The following SCHIP1 variants were observed in gnomAD, a reference collection of about 807,000 sequenced individuals.
The protein encoded by SCHIP1 is schwannomin-interacting protein 1.
A neutral mutation model predicts 29.7 loss-of-function variants in SCHIP1; 8 were observed. The observed-to-expected ratio is 0.27, with a 90% CI of 0.16 to 0.49. The LOEUF is 0.49. Ranked by LOEUF, SCHIP1 falls within the 20% of genes least tolerant of loss-of-function variation. SCHIP1 has a pLI of 0.99. For synonymous variants in SCHIP1, 76 were observed against 94.9 expected, an observed-to-expected ratio of 0.80 and a Z score of 1.16; for missense variants, 193 against 294.6, an observed-to-expected ratio of 0.66 and a Z score of 2.52.
At chr3:159,544,488 A>G in the SCHIP1 span, among the ~76,000 whole-genome samples, 1 of 152,094 alleles carries the variant, frequency 6.6e-6, no homozygotes, top group Non-Finnish European at 1.5e-5. Context: ...TCAGCATACT[A>G]TCAGCATATG....
At chr3:159,395,367 G>A in the SCHIP1 span, among the ~76,000 whole-genome samples, 13 of 152,172 alleles carry the variant, frequency 8.5e-5, no homozygotes, top group African/African-American at 2.9e-4. Context: ...GCTAGCTTTT[G>A]AATGTGTTTC....
At chr3:159,277,824 C>T in the SCHIP1 span, among the ~76,000 whole-genome samples, 28 of 151,192 alleles carry the variant, frequency 1.9e-4, no homozygotes, top group Non-Finnish European at 3.2e-4. Flanking sequence ...CTGAAGCAGG[C>T]GAATCACTTG....
chr3:159,353,325 A>T, the SCHIP1 span, among the ~76,000 whole-genome samples: 1,028 of 151,242 alleles, frequency 6.8e-3, 10 homozygotes, highest in South Asian at 0.033. Context: ...TAATAAAATT[A>T]AAAAAAAAGA....
chr3:159,514,272 T>C, the SCHIP1 span, among the ~76,000 whole-genome samples: 3 of 152,232 alleles, frequency 2.0e-5, no homozygotes, highest in Non-Finnish European at 4.4e-5. Context: ...CAACTGATGA[T>C]ACACTAAAAT....
chr3:159,512,208 CA>C, the SCHIP1 span, among the ~76,000 whole-genome samples: 1 of 152,048 alleles, frequency 6.6e-6, no homozygotes, highest in Non-Finnish European at 1.5e-5. Flanking sequence ...GGGGAAATGA[CA>C]AGAATAGAAA....
chr3:159,812,817 A>G, the SCHIP1 span, among the ~76,000 whole-genome samples: 1 of 152,172 alleles, frequency 6.6e-6, no homozygotes, highest in South Asian at 2.1e-4. Context: ...TGGGTAATTT[A>G]TAAGGAAAAG....
chr3:159,827,325 C>T, the SCHIP1 span, among the ~76,000 whole-genome samples: 1 of 152,118 alleles, frequency 6.6e-6, no homozygotes, highest in African/African-American at 2.4e-5. Context: ...AGCATTTCAG[C>T]ACTACCTCTG....
At chr3:159,757,724 G>A in the SCHIP1 span, among the ~76,000 whole-genome samples, 1 of 152,268 alleles carries the variant, frequency 6.6e-6, no homozygotes, top group African/African-American at 2.4e-5. Flanking sequence ...CTAGCTGCAG[G>A]GATGGTCTTG....
chr3:159,542,842 C>T, the SCHIP1 span, among the ~76,000 whole-genome samples: 3 of 151,868 alleles, frequency 2.0e-5, no homozygotes, highest in Admixed American at 6.6e-5. Context: ...GGAACTGAGA[C>T]CAAAATAAAG....
the SCHIP1 span, among the ~76,000 whole-genome samples, chr3:159,327,848 G>A: frequency 4.6e-5 from 7 of 152,132 alleles, no homozygotes; most frequent in Non-Finnish European, 8.8e-5. Flanking sequence ...TTCCAAGACA[G>A]CAATGTGTGT....
chr3:159,684,179 G>C, the SCHIP1 span, among the ~76,000 whole-genome samples: 1 of 152,112 alleles, frequency 6.6e-6, no homozygotes, highest in Non-Finnish European at 1.5e-5. Context: ...CTCTAAAGCA[G>C]CCCAGCAGCC....
At chr3:159,509,310 C>G in the SCHIP1 span, among the ~76,000 whole-genome samples, 1 of 151,690 alleles carries the variant, frequency 6.6e-6, no homozygotes, top group Non-Finnish European at 1.5e-5. Context: ...TTTTTGTTTT[C>G]CATTTGCTTG....
chr3:159,354,127 T>C, the SCHIP1 span, among the ~76,000 whole-genome samples: 1 of 152,174 alleles, frequency 6.6e-6, no homozygotes, highest in Non-Finnish European at 1.5e-5. Flanking sequence ...GAATGAAAAA[T>C]TGTTACTCAC....
the SCHIP1 span, among the ~76,000 whole-genome samples, chr3:159,648,073 G>T: frequency 6.6e-6 from 1 of 152,154 alleles, no homozygotes; most frequent in Admixed American, 6.6e-5. Flanking sequence ...AGCCAGCACT[G>T]AGGAAGGAGG....
chr3:159,389,048 T>C, the SCHIP1 span, among the ~76,000 whole-genome samples: 1 of 151,948 alleles, frequency 6.6e-6, no homozygotes, highest in Non-Finnish European at 1.5e-5. Flanking sequence ...TTTATCTAAA[T>C]AGGGTATATG....
chr3:159,861,733 T>C lies in SCHIP1; in HGVS notation c.31-4430T>C, dbSNP rs1714081505. 6.6e-6 allele frequency among the ~76,000 whole-genome samples: 1 copy of C among 152,186 alleles called. No homozygotes were observed. Among genetic ancestry groups the C allele is most frequent in the Admixed American group, 6.5e-5 (1 of 15,274 alleles). Reference sequence around the variant, plus strand: ...TTTGTTTTTGCTAGCAATACTAATTTTAGATGTTGTACTTTTGTTTTATGA... The same window carrying C: ...TTTGTTTTTGCTAGCAATACTAATTCTAGATGTTGTACTTTTGTTTTATGA... On this transcript the variant is annotated intron_variant, in intron 1 of 6. Transcript: ENST00000445224. This position sits in a 1 kb window ranked among gnomAD's most constrained non-coding sequence, Gnocchi z 4.1.
chr3:159,433,284 C>G, the SCHIP1 span, among the ~76,000 whole-genome samples: 2 of 152,140 alleles, frequency 1.3e-5, no homozygotes, highest in Non-Finnish European at 2.9e-5. Context: ...ACAGAAAAGA[C>G]TTTCTAAGCC....
At chr3:159,728,210 C>G in the SCHIP1 span, among the ~76,000 whole-genome samples, 2 of 152,010 alleles carry the variant, frequency 1.3e-5, no homozygotes, top group African/African-American at 4.8e-5. Context: ...GATCTTTTCA[C>G]CATCATTCTG....
At chr3:159,711,237 T>G in the SCHIP1 span, among the ~76,000 whole-genome samples, 1 of 126,116 alleles carries the variant, frequency 7.9e-6, no homozygotes, top group Non-Finnish European at 1.5e-5. Flanking sequence ...GGCGGGCGCC[T>G]GTAGTCCCAG....
Sources: gnomAD v4.1 joint callset for allele counts (sites outside exome capture counted in the v4.1 genomes callset) on GRCh38, gnomAD v4.1.1 for gene constraint, Gnocchi (gnomAD v3.1) non-coding constraint, MANE v1.5 for transcripts, NCBI Gene and HGNC (gene_info 2026-07-23, HGNC 2026-07-21) for gene names.